The following SND1 variants were observed in gnomAD, a reference collection of about 807,000 sequenced individuals.
The protein encoded by SND1 is staphylococcal nuclease and tudor domain containing 1, also known as staphylococcal nuclease domain-containing protein 1.
In SND1, 38 loss-of-function variants were observed where a neutral mutation model predicts 121.7. That is an observed-to-expected ratio of 0.31 (90% confidence interval 0.24 to 0.41). The LOEUF is 0.41. Among genes scored for constraint, SND1 ranks in the 10% least tolerant of loss-of-function variants. The pLI is 1.00. For missense variants in SND1, 868 were observed against 1,184.6 expected (o/e 0.73, Z 3.92); for synonymous variants, 401 against 447.4 (o/e 0.90, Z 1.31).
chr7:127,803,222 C>G (rs547782540), intron 10 of SND1, among the ~76,000 whole-genome samples: 1 of 152,266 alleles, frequency 6.6e-6, no homozygotes, highest in African/African-American at 2.4e-5. Context: ...ACTGGGCATC[C>G]CATACCTCTT....
intron 9 of SND1, among the ~76,000 whole-genome samples, chr7:127,708,019 G>C (rs1489204245): frequency 1.3e-5 from 2 of 152,076 alleles, no homozygotes; most frequent in African/African-American, 4.8e-5. Flanking sequence ...CTTTACAGTG[G>C]TGTGAAAGCA....
In SND1 at chr7:127,796,004, C is replaced by T. The variant is rs1465431213; in HGVS notation, c.1153-11480C>T. ...TCCCTAGTAGCTGGGACTACGGGCGCCCATCACCACTACCAGCTAATTTTT... is the reference window on the plus strand; with the variant it reads ...TCCCTAGTAGCTGGGACTACGGGCGTCCATCACCACTACCAGCTAATTTTT... On this transcript the variant is annotated intron_variant, in intron 10 of 23. Transcript: ENST00000354725. Among the ~76,000 whole-genome samples the T allele has an allele frequency of 2.0e-5, 3 of 151,998 alleles. No individual in the cohort carries two copies. The South Asian group carries it at 6.2e-4, about 32-fold the overall frequency.
At chr7:127,860,865 G>C (rs559201670) in intron 12 of SND1, among the ~76,000 whole-genome samples, 1 of 152,194 alleles carries the variant, frequency 6.6e-6, no homozygotes, top group South Asian at 2.1e-4. Context: ...CTCAATGTCA[G>C]TTGGTGGGTT....
chr7:127,795,222 CAA>C (rs1456005283), intron 10 of SND1, among the ~76,000 whole-genome samples: 1 of 152,174 alleles, frequency 6.6e-6, no homozygotes, highest in East Asian at 1.9e-4. Flanking sequence ...AAACAGCACC[CAA>C]AGAGATTTCA....
intron 10 of SND1, among the ~76,000 whole-genome samples, chr7:127,753,727 C>A (rs766458072): frequency 4.6e-5 from 7 of 152,132 alleles, no homozygotes; most frequent in African/African-American, 7.2e-5. Context: ...TTATTGTGTT[C>A]ATTAGAGCAC....
intron 16 of SND1, among the ~76,000 whole-genome samples, chr7:128,013,416 G>A (rs1803157709): frequency 6.6e-6 from 1 of 152,236 alleles, no homozygotes; most frequent in Non-Finnish European, 1.5e-5. Context: ...ATGAATATGT[G>A]AATCACCGAA....
At chr7:127,707,992 G>A (rs955837717) in intron 9 of SND1, among the ~76,000 whole-genome samples, 3 of 152,022 alleles carry the variant, frequency 2.0e-5, no homozygotes, top group Non-Finnish European at 4.4e-5. Context: ...ATGCTGGGTC[G>A]ACTTAAGATA....
chr7:127,763,428 C>G (rs1025971530), intron 10 of SND1, among the ~76,000 whole-genome samples: 1 of 152,028 alleles, frequency 6.6e-6, no homozygotes, highest in Non-Finnish European at 1.5e-5. Context: ...CTCATTGCAG[C>G]CTTGATGTTC....
chr7:127,673,311 CTTAT>C (rs1475799276), intron 1 of SND1, among the ~76,000 whole-genome samples: 2 of 150,512 alleles, frequency 1.3e-5, no homozygotes, highest in African/African-American at 4.9e-5. Context: ...GTACAAATAT[CTTAT>C]TTATTTATTT....
intron 11 of SND1, among the ~76,000 whole-genome samples, chr7:127,843,076 T>C (rs1479318789): frequency 1.3e-5 from 2 of 152,188 alleles, no homozygotes; most frequent in Non-Finnish European, 2.9e-5. Flanking sequence ...GGTTATCAGC[T>C]TTTTTCTTTC....
intron 10 of SND1, among the ~76,000 whole-genome samples, chr7:127,773,243 G>A (rs756965260): frequency 1.3e-5 from 2 of 152,148 alleles, no homozygotes; most frequent in African/African-American, 2.4e-5. Flanking sequence ...CACGAGGTCA[G>A]GAGATCTAGA....
At chr7:127,665,422 C>T (rs1362369887) in intron 1 of SND1, among the ~76,000 whole-genome samples, 3 of 152,136 alleles carry the variant, frequency 2.0e-5, no homozygotes, top group Non-Finnish European at 4.4e-5. Flanking sequence ...CTCCTGACCT[C>T]GTGATCTGCC....
chr7:127,876,156 A>G (rs1314566892), intron 12 of SND1, among the ~76,000 whole-genome samples: 1 of 151,670 alleles, frequency 6.6e-6, no homozygotes, highest in Non-Finnish European at 1.5e-5. Flanking sequence ...TTCCCCCTTC[A>G]TTGTCATTAT....
At chr7:128,031,815 C>T (rs1792622452) in intron 16 of SND1, among the ~76,000 whole-genome samples, 1 of 149,100 alleles carries the variant, frequency 6.7e-6, no homozygotes, top group African/African-American at 2.4e-5. Flanking sequence ...GGCGCGCCGC[C>T]GGCTCCGGCT....
intron 21 of SND1, among the ~76,000 whole-genome samples, chr7:128,088,898 G>A (rs544108283): frequency 3.3e-5 from 5 of 152,162 alleles, no homozygotes; most frequent in African/African-American, 4.8e-5. Context: ...ACTTTTTCTC[G>A]GAGACACAGG....
intron 16 of SND1, among the ~76,000 whole-genome samples, chr7:127,993,477 C>T (rs779065963): frequency 2.6e-5 from 4 of 152,232 alleles, no homozygotes; most frequent in African/African-American, 7.2e-5. Flanking sequence ...TGTGGGCCCA[C>T]GACCTCCCAC....
intron 10 of SND1, among the ~76,000 whole-genome samples, chr7:127,731,987 GTC>G (rs1440635097): frequency 1.3e-5 from 2 of 152,184 alleles, no homozygotes; most frequent in Non-Finnish European, 2.9e-5. Flanking sequence ...GGTGTTGAAT[GTC>G]TCTCTCTTGT....
At chr7:127,747,898 T>A (rs1280913980) in intron 10 of SND1, among the ~76,000 whole-genome samples, 1 of 152,096 alleles carries the variant, frequency 6.6e-6, no homozygotes, top group Admixed American at 6.5e-5. Context: ...AGAACAGGGT[T>A]TCTTGATCCT....
intron 16 of SND1, among the ~76,000 whole-genome samples, chr7:128,026,895 A>G (rs1739858917): frequency 6.6e-6 from 1 of 152,160 alleles, no homozygotes; most frequent in Non-Finnish European, 1.5e-5. Context: ...TATTTAAGCT[A>G]AGGAAAGGTT....
Sources: allele counts gnomAD v4.1 joint callset (sites outside exome capture counted in the v4.1 genomes callset), GRCh38; gene constraint gnomAD v4.1.1; transcripts MANE v1.5; gene names NCBI Gene and HGNC (gene_info 2026-07-23, HGNC 2026-07-21).